The following PLXDC2 variants were observed in gnomAD, a reference collection of about 807,000 sequenced individuals.
PLXDC2 encodes plexin domain-containing protein 2.
In PLXDC2, 40 loss-of-function variants were observed where a neutral mutation model predicts 68.9. That is an observed-to-expected ratio of 0.58 (90% CI 0.45 to 0.76). The LOEUF is 0.76. PLXDC2 is among the 30% of genes least tolerant of loss of function. The pLI, the probability that PLXDC2 is intolerant of heterozygous loss-of-function variation, is 0.00. For synonymous variants in PLXDC2, 243 were observed against 234.2 expected (o/e 1.04, Z -0.34); for missense variants, 644 against 661.9 (o/e 0.97, Z 0.30).
intron 1 of PLXDC2, among the ~76,000 whole-genome samples, chr10:19,966,574 A>G (rs1025515873): frequency 6.6e-6 from 1 of 151,954 alleles, no homozygotes; most frequent in Non-Finnish European, 1.5e-5. Context: ...GTGAAATGTC[A>G]TTAAAGGAGC....
chr10:20,223,926 T>C (rs905493796), intron 12 of PLXDC2, among the ~76,000 whole-genome samples: 4 of 151,994 alleles, frequency 2.6e-5, no homozygotes, highest in African/African-American at 4.8e-5. Context: ...TCTCTAGAAA[T>C]GTGGATTTAA....
chr10:20,173,290 CATTT>C (rs1190905695), intron 7 of PLXDC2, among the ~76,000 whole-genome samples: 2 of 152,186 alleles, frequency 1.3e-5, no homozygotes, highest in African/African-American at 4.8e-5. Context: ...GTGAATCATT[CATTT>C]GACAATTCAG....
chr10:19,929,171 G>C (rs1833587405), intron 1 of PLXDC2, among the ~76,000 whole-genome samples: 1 of 151,756 alleles, frequency 6.6e-6, no homozygotes, highest in Admixed American at 6.5e-5. Context: ...ATGAGGTCAG[G>C]AGTTCAACAC....
At chr10:19,892,921 C>CTT (rs61406547) in intron 1 of PLXDC2, among the ~76,000 whole-genome samples, 254 of 130,526 alleles carry the variant, frequency 1.9e-3, no homozygotes, top group Middle Eastern at 3.9e-3. Flanking sequence ...TTGAAATGGT[C>CTT]TTTTTTTTTT....
At chr10:20,019,805 A>G (rs1835273802) in intron 2 of PLXDC2, among the ~76,000 whole-genome samples, 1 of 152,048 alleles carries the variant, frequency 6.6e-6, no homozygotes, top group Admixed American at 6.5e-5. Flanking sequence ...CATCTAGTCT[A>G]TGGTATTTTG....
At chr10:19,937,544 G>GTGTATA (rs1283000294) in intron 1 of PLXDC2, among the ~76,000 whole-genome samples, 17 of 95,978 alleles carry the variant, frequency 1.8e-4, no homozygotes, top group Non-Finnish European at 3.0e-4. Context: ...TATAGTCAAT[G>GTGTATA]TATATATATA....
At chr10:20,042,492 A>G (rs1835699843) in intron 2 of PLXDC2, among the ~76,000 whole-genome samples, 1 of 152,188 alleles carries the variant, frequency 6.6e-6, no homozygotes, top group Admixed American at 6.6e-5. Flanking sequence ...TTGATTCAAT[A>G]TTAAATAATC....
At chr10:20,217,607 T>TC in intron 11 of PLXDC2, 31 bp downstream of exon 11, 1 of 1,507,830 alleles carries the variant, frequency 6.6e-7, no homozygotes, top group Non-Finnish European at 8.8e-7. Flanking sequence ...TTTTTTTTTT[T>TC]TTTTTTTTTT....
chr10:19,892,845 T>G (rs1430535515), intron 1 of PLXDC2, among the ~76,000 whole-genome samples: 1 of 152,040 alleles, frequency 6.6e-6, no homozygotes, highest in Non-Finnish European at 1.5e-5. Flanking sequence ...AAACCCTTAG[T>G]ATACAGTACG....
intron 1 of PLXDC2, among the ~76,000 whole-genome samples, chr10:19,995,874 C>T (rs1834834805): frequency 6.6e-6 from 1 of 152,136 alleles, no homozygotes; most frequent in South Asian, 2.1e-4. Context: ...ATCAGATTTC[C>T]CAAAGTCTTG....
intron 4 of PLXDC2, among the ~76,000 whole-genome samples, chr10:20,099,402 A>G (rs1256777464): frequency 6.6e-6 from 1 of 152,194 alleles, no homozygotes; most frequent in African/African-American, 2.4e-5. Context: ...TATCTGCCTG[A>G]TGGCCCATCA....
chr10:20,027,916 A>G (rs1835430286), intron 2 of PLXDC2, among the ~76,000 whole-genome samples: 1 of 152,096 alleles, frequency 6.6e-6, no homozygotes, highest in Admixed American at 6.6e-5. Context: ...AGGAGTCACC[A>G]TTTCAAAAAC....
At chr10:19,836,709 A>C (rs1836799343) in intron 1 of PLXDC2, among the ~76,000 whole-genome samples, 1 of 152,220 alleles carries the variant, frequency 6.6e-6, no homozygotes, top group Admixed American at 6.5e-5. Flanking sequence ...ATGTAAAATA[A>C]TTTGTTTAGT....
intron 13 of PLXDC2, among the ~76,000 whole-genome samples, chr10:20,275,476 A>C (rs548300672): frequency 6.6e-6 from 1 of 152,330 alleles, no homozygotes; most frequent in East Asian, 1.9e-4. Context: ...TAGGATTCAT[A>C]AACTCCATGA....
intron 2 of PLXDC2, among the ~76,000 whole-genome samples, chr10:20,002,333 C>T (rs1057239862): frequency 2.6e-5 from 4 of 151,276 alleles, no homozygotes; most frequent in Non-Finnish European, 5.9e-5. Context: ...AATCTCAGCT[C>T]ACTGCAACCT....
chr10:20,229,128 A>G (rs574360531), intron 12 of PLXDC2, among the ~76,000 whole-genome samples: 1 of 152,280 alleles, frequency 6.6e-6, no homozygotes, highest in South Asian at 2.1e-4. Flanking sequence ...AAAAGAGTCA[A>G]AAGATGACTG....
intron 1 of PLXDC2, among the ~76,000 whole-genome samples, chr10:19,986,101 A>G (rs1834633419): frequency 6.6e-6 from 1 of 152,194 alleles, no homozygotes; most frequent in African/African-American, 2.4e-5. Context: ...GAATGAATGA[A>G]TGGATGAATT....
chr10:20,191,890 G>A (rs1307816157), intron 9 of PLXDC2, among the ~76,000 whole-genome samples: 1 of 151,986 alleles, frequency 6.6e-6, no homozygotes, highest in African/African-American at 2.4e-5. Flanking sequence ...GGGTAAGCCT[G>A]CCTTATACCT....
chr10:20,087,495 A>G (rs1245876641), intron 4 of PLXDC2, among the ~76,000 whole-genome samples: 4 of 152,196 alleles, frequency 2.6e-5, no homozygotes, highest in Admixed American at 6.5e-5. Context: ...GCCAATAAAT[A>G]CTGATGTTGT....
Sources: allele counts gnomAD v4.1 joint callset (sites outside exome capture counted in the v4.1 genomes callset), GRCh38; gene constraint gnomAD v4.1.1; transcripts MANE v1.5; gene names NCBI Gene and HGNC (gene_info 2026-07-23, HGNC 2026-07-21).